The following CHD9 variants were observed in gnomAD, a reference collection of about 807,000 sequenced individuals.
CHD9 encodes chromodomain helicase DNA binding protein 9.
Under a neutral mutation model 316.1 loss-of-function variants are expected in CHD9, and 77 were observed. That is an observed-to-expected ratio of 0.24 (90% CI 0.20 to 0.29). The LOEUF (loss-of-function observed/expected upper bound fraction) is 0.29, where lower values mean the gene tolerates loss of function less well. CHD9 is among the 10% of genes least tolerant of loss of function. The pLI, the probability that CHD9 is intolerant of heterozygous loss-of-function variation, is 1.00. For synonymous variants in CHD9, 1,129 were observed against 1,158.3 expected, an observed-to-expected ratio of 0.97 and a Z score of 0.51; for missense variants, 2,763 against 3,438.1, an observed-to-expected ratio of 0.80 and a Z score of 4.91.
At chr16:53,152,298 G>C (rs2041186321) in intron 1 of CHD9, among the ~76,000 whole-genome samples, 1 of 152,094 alleles carries the variant, frequency 6.6e-6, no homozygotes, top group Admixed American at 6.6e-5. Context: ...GCATTCTCTT[G>C]GTTGTTATAA....
intron 1 of CHD9, among the ~76,000 whole-genome samples, chr16:53,079,141 G>C (rs1399417738): frequency 6.6e-6 from 1 of 152,166 alleles, no homozygotes; most frequent in Non-Finnish European, 1.5e-5. Context: ...ACCTGGGAAA[G>C]CTTTTCCTTC....
chr16:53,318,909 C>G (rs1416258136), intron 37 of CHD9, among the ~76,000 whole-genome samples: 5 of 152,178 alleles, frequency 3.3e-5, no homozygotes, highest in Non-Finnish European at 7.3e-5. Context: ...CTTAACATGT[C>G]TTTTTCTATC....
At chr16:53,228,018 G>A (rs941392644) in intron 7 of CHD9, among the ~76,000 whole-genome samples, 1 of 151,976 alleles carries the variant, frequency 6.6e-6, no homozygotes, top group African/African-American at 2.4e-5. Flanking sequence ...GCCAGGAGGT[G>A]GAGGTTGCTG....
At chr16:53,128,847 C>G (rs1174667210) in intron 1 of CHD9, among the ~76,000 whole-genome samples, 2 of 152,132 alleles carry the variant, frequency 1.3e-5, no homozygotes, top group African/African-American at 2.4e-5. Context: ...CACAGAAAAT[C>G]TTTCTACAAA....
intron 1 of CHD9, among the ~76,000 whole-genome samples, chr16:53,086,639 A>T (rs955460781): frequency 6.6e-6 from 1 of 152,250 alleles, no homozygotes; most frequent in African/African-American, 2.4e-5. Context: ...GGTGCATATA[A>T]GATATGTGTG....
At chr16:53,307,028 C>T (rs2056049069) in intron 32 of CHD9, among the ~76,000 whole-genome samples, 2 of 152,074 alleles carry the variant, frequency 1.3e-5, no homozygotes, top group African/African-American at 4.8e-5. Flanking sequence ...GATCCGCTTG[C>T]CTCGGCCTCC....
Position 53,156,662 on chromosome 16 carries a change from T to A in CHD9, c.573T>A (p.Asn191Lys). Residue 191 changes from asparagine (N) to lysine (K), a missense_variant, in exon 2 of 39, where the codon AAT becomes AAA. Asn to Lys is a moderately conservative substitution (Grantham distance 94). This residue lies in a region of CHD9 where 859 missense variants were observed against 890.4 expected (regional missense o/e 0.96). Transcript: ENST00000447540. ...GAAATAATCTCAACCCAGGGCAGAA[T>A]TCTCTTAGCCAGTCTAAAAATTTTA... ...QNRNNLNPGQ[N>K]SLSQSKNFMN... 6.2e-7 allele frequency: 1 copy of A among 1,613,962 alleles called. No individual in the cohort carries two copies. Among genetic ancestry groups the A allele is most frequent in the Admixed American group, 1.7e-5 (1 of 60,028 alleles).
intron 1 of CHD9, among the ~76,000 whole-genome samples, chr16:53,155,022 T>C (rs2041407876): frequency 6.6e-6 from 1 of 152,220 alleles, no homozygotes; most frequent in South Asian, 2.1e-4. Flanking sequence ...CGCTTAATTT[T>C]TACTTATATT....
At chr16:53,323,340 C>T (rs547020059) in intron 38 of CHD9, among the ~76,000 whole-genome samples, 28 of 152,274 alleles carry the variant, frequency 1.8e-4, no homozygotes, top group Admixed American at 1.3e-4. Flanking sequence ...ATGTGGCTTA[C>T]ATTGTATTTC....
At chr16:53,168,125 G>A (rs990262868) in intron 2 of CHD9, among the ~76,000 whole-genome samples, 1 of 151,868 alleles carries the variant, frequency 6.6e-6, no homozygotes, top group Non-Finnish European at 1.5e-5. Flanking sequence ...GCAGTGGCAC[G>A]ATCTCAGCTC....
intron 37 of CHD9, chr16:53,319,854 C>T (rs2057143837): frequency 8.0e-7 from 1 of 1,252,748 alleles, no homozygotes; most frequent in African/African-American, 1.5e-5. Context: ...AATCTACCTG[C>T]TAAATCCCCA....
chr16:53,282,145 T>C (rs60709205), intron 24 of CHD9, among the ~76,000 whole-genome samples: 5,087 of 152,176 alleles, frequency 0.033, 300 homozygotes, highest in African/African-American at 0.12. Flanking sequence ...CTTTCAGTAA[T>C]TTTCCCCCTT....
intron 7 of CHD9, 126 bp from the exon 8 acceptor site, chr16:53,228,851 ATTAAAG>A: frequency 5.9e-6 from 3 of 506,658 alleles, no homozygotes; most frequent in Admixed American, 7.0e-5. Flanking sequence ...TCGTAATTCT[ATTAAAG>A]TTAAATGATG....
chr16:53,109,198 G>A (rs1477696915), intron 1 of CHD9, among the ~76,000 whole-genome samples: 1 of 151,516 alleles, frequency 6.6e-6, no homozygotes, highest in Admixed American at 6.6e-5. Context: ...AGTGCTAACT[G>A]AGGTGCATGG....
intron 1 of CHD9, among the ~76,000 whole-genome samples, chr16:53,149,447 G>T (rs1259879716): frequency 6.6e-6 from 1 of 151,934 alleles, no homozygotes; most frequent in Non-Finnish European, 1.5e-5. Flanking sequence ...CATAAATTTT[G>T]TGGGTCTGTT....
At chr16:53,055,368 C>A (rs2031935524) in intron 1 of CHD9, among the ~76,000 whole-genome samples, 1 of 152,172 alleles carries the variant, frequency 6.6e-6, no homozygotes, top group Non-Finnish European at 1.5e-5. Context: ...GCCACTGTCG[C>A]CCAGAGCCAC....
chr16:53,172,547 G>A (rs886484243), intron 2 of CHD9, among the ~76,000 whole-genome samples: 2 of 152,066 alleles, frequency 1.3e-5, no homozygotes, highest in South Asian at 2.1e-4. Flanking sequence ...GGCAATGGCT[G>A]GGTTTTTAAT....
intron 24 of CHD9, among the ~76,000 whole-genome samples, chr16:53,282,395 C>T (rs974181494): frequency 3.9e-5 from 6 of 152,028 alleles, no homozygotes; most frequent in Non-Finnish European, 8.8e-5. Context: ...CAGTTGAGCC[C>T]GGGAGTTTGA....
chr16:53,249,948 A>T lies in CHD9; in HGVS notation c.3743A>T (p.Asp1248Val), dbSNP rs1375630947. 1 of 1,613,842 alleles carries T rather than the reference A, an allele frequency of 6.2e-7. No homozygotes were observed. ...GCTATAGATAGATTTAGTAAACCTG[A>T]TTCAGATAGATTTGTTTTTCTCCTG... ...QAAIDRFSKP[D>V]SDRFVFLLCT... The change falls in exon 17 of 39, where the codon GAT becomes GTT. Residue 1248 changes from aspartate (D) to valine (V), a missense_variant. Asp to Val is a radical substitution (Grantham distance 152). Transcript: ENST00000447540.
Sources: allele counts gnomAD v4.1 joint callset (sites outside exome capture counted in the v4.1 genomes callset), GRCh38; gene constraint gnomAD v4.1.1; regional missense constraint gnomAD v4.1.1; transcripts MANE v1.5; gene names NCBI Gene and HGNC (gene_info 2026-07-23, HGNC 2026-07-21).